Variants in MYRFL observed in about 807,000 individuals in gnomAD.
MYRFL encodes myelin regulatory factor like, also known as myelin regulatory factor-like protein.
Under a neutral mutation model 109.4 loss-of-function variants are expected in MYRFL, and 88 were observed. That is an observed-to-expected ratio of 0.80 (90% CI 0.68 to 0.96). MYRFL has a LOEUF of 0.96. Ranked by LOEUF, MYRFL falls within the 40% of genes least tolerant of loss-of-function variation. The probability of loss-of-function intolerance (pLI) is 0.00; values close to 1 mark genes in which losing one functional copy is unlikely to be tolerated. For missense variants in MYRFL, 957 were observed against 954.9 expected (o/e 1.00, Z -0.03); for synonymous variants, 324 against 320.9 (o/e 1.01, Z -0.10).
In MYRFL at chr12:69,958,518, G is replaced by A. The variant is rs931864355; in HGVS notation, c.2720G>A (p.Arg907Gln). The change falls in exon 25 of 25, where the codon CGA becomes CAA. Residue 907 changes from arginine (R) to glutamine (Q), a missense_variant. Transcript: ENST00000552032. ...FFTDYFFYFYRRCA is the reference protein window; with the variant it reads ...FFTDYFFYFYQRCA ...ACCGATTACTTCTTTTACTTCTATC[G>A]ACGCTGTGCCTAATTTGTTCAAGTT... 4 of 1,533,490 alleles carry A rather than the reference G, an allele frequency of 2.6e-6. No homozygotes were observed. The highest frequency in any genetic ancestry group is 2.4e-5 in the East Asian group (1 of 40,820). 95.0% of individuals were successfully genotyped at this position (1,533,490 alleles called of 1,614,324 possible). A position where few individuals can be genotyped will look rare whatever the true frequency, so the allele number is the denominator to read the frequency against.
chr12:69,957,961 T>C lies in MYRFL; in HGVS notation c.2571+19T>C, dbSNP rs1273399642. Reference sequence around the variant, plus strand: ...GACACAGGTAATGTTTTCTGCCTCCTCTCTTCCCCGCTGAGAGAGGGATAC... The same window carrying C: ...GACACAGGTAATGTTTTCTGCCTCCCCTCTTCCCCGCTGAGAGAGGGATAC... On this transcript the variant is annotated intron_variant, in intron 23 of 24. Transcript: ENST00000552032. The C allele has an allele frequency of 3.3e-6, 5 of 1,525,232 alleles. No homozygotes were observed. Among genetic ancestry groups the C allele is most frequent in the African/African-American group, 1.4e-5 (1 of 72,922 alleles). 94.5% of individuals were successfully genotyped at this position (1,525,232 alleles called of 1,614,324 possible).
At chr12:69,927,962 C>T (rs544504083) in intron 15 of MYRFL, among the ~76,000 whole-genome samples, 1 of 152,274 alleles carries the variant, frequency 6.6e-6, no homozygotes, top group South Asian at 2.1e-4. Context: ...ATATGTCAGT[C>T]TCAGAATTAT....
At chr12:69,853,312 C>G (rs896769660) in intron 1 of MYRFL, among the ~76,000 whole-genome samples, 4 of 152,066 alleles carry the variant, frequency 2.6e-5, no homozygotes, top group Admixed American at 1.3e-4. Flanking sequence ...CTCCTCACTT[C>G]CCGGACGGGG....
chr12:69,911,195 T>C (rs989984152), intron 13 of MYRFL, among the ~76,000 whole-genome samples: 6 of 152,216 alleles, frequency 3.9e-5, no homozygotes, highest in Admixed American at 6.5e-5. Flanking sequence ...TAACTGGCAC[T>C]AGGAAAGTCC....
intron 1 of MYRFL, among the ~76,000 whole-genome samples, chr12:69,845,788 A>C (rs1299118152): frequency 1.6e-5 from 2 of 123,558 alleles, no homozygotes; most frequent in South Asian, 6.1e-4. Flanking sequence ...CTGTTGGGAA[A>C]AGCGAAAAAA....
At chr12:69,892,705 TCAAA>T (rs1886987988) in intron 7 of MYRFL, among the ~76,000 whole-genome samples, 1 of 152,116 alleles carries the variant, frequency 6.6e-6, no homozygotes, top group Non-Finnish European at 1.5e-5. Flanking sequence ...CATATAAACA[TCAAA>T]CAAACAAGCA....
chr12:69,829,679 G>T (rs532933772), intron 1 of MYRFL, among the ~76,000 whole-genome samples: 6 of 152,238 alleles, frequency 3.9e-5, no homozygotes, highest in Middle Eastern at 6.8e-3. Flanking sequence ...GGGAAAACTT[G>T]CCCAGTAGCA....
At chr12:69,906,769 C>G (rs2120374336) in intron 11 of MYRFL, among the ~76,000 whole-genome samples, 1 of 152,286 alleles carries the variant, frequency 6.6e-6, no homozygotes, top group Non-Finnish European at 1.5e-5. Flanking sequence ...TGCTCCTAGT[C>G]CAGACTGTGG....
intron 2 of MYRFL, among the ~76,000 whole-genome samples, chr12:69,861,263 A>G (rs1167663584): frequency 1.3e-5 from 2 of 152,066 alleles, no homozygotes; most frequent in African/African-American, 2.4e-5. Flanking sequence ...GTATATACCC[A>G]GTAATGGGAT....
rs71098067 is a variant in MYRFL, at chr12:69,936,078, G to GTTT, written c.1917-8_1917-6dup. ...TCTGGAAACAAATCTGCCACATAAT[G>GTTT]TTTTTTTTTTTTTTTTTTTTTTTTT... is the stretch of plus-strand genomic sequence containing the variant. On this transcript the variant is annotated intron_variant, in intron 16 of 24. Transcript: ENST00000552032. 921 of 893,888 alleles carry GTTT rather than the reference G, an allele frequency of 1.0e-3. 73 individuals carry two copies. Among genetic ancestry groups the GTTT allele is most frequent in the East Asian group, 3.9e-3 (65 of 16,618 alleles). 55.4% of individuals were successfully genotyped at this position (893,888 alleles called of 1,614,324 possible).
At chr12:69,934,001 G>C (rs1210797774) in intron 16 of MYRFL, among the ~76,000 whole-genome samples, 1 of 152,166 alleles carries the variant, frequency 6.6e-6, no homozygotes, top group Admixed American at 6.5e-5. Context: ...CCCGAAGAAT[G>C]GAACAGATGT....
At chr12:69,866,788 C>CAAAT (rs1311500846) in intron 2 of MYRFL, among the ~76,000 whole-genome samples, 1 of 152,106 alleles carries the variant, frequency 6.6e-6, no homozygotes, top group African/African-American at 2.4e-5. Flanking sequence ...GAAAAAGGAC[C>CAAAT]AAATGCTCTA....
intron 1 of MYRFL, among the ~76,000 whole-genome samples, chr12:69,854,714 A>G (rs908644123): frequency 2.0e-5 from 3 of 152,074 alleles, no homozygotes; most frequent in Non-Finnish European, 2.9e-5. Flanking sequence ...TAATTTTTAT[A>G]TATTTAGGAG....
At chr12:69,952,753 C>T (rs891415478) in intron 20 of MYRFL, 46 bp from the exon 21 acceptor site, 102 of 1,331,432 alleles carry the variant, frequency 7.7e-5, no homozygotes, top group Non-Finnish European at 1.0e-4. Context: ...TATTCTTTTT[C>T]CTTTCAGAAG....
chr12:69,842,575 A>G lies in MYRFL; in HGVS notation c.47-12705A>G, dbSNP rs118190591. On this transcript the variant is annotated intron_variant, in intron 1 of 24. Transcript: ENST00000552032. ...TATGGTGATTGAAATAAAAGCACAT[A>G]CAGCTGGCAGTGGGGTCCGGGAATG... is the stretch of plus-strand genomic sequence containing the variant. 5.4e-3 allele frequency among the ~76,000 whole-genome samples: 824 copies of G among 152,332 alleles called. 3 individuals carry two copies. Among genetic ancestry groups the G allele is most frequent in the Non-Finnish European group, 8.3e-3 (562 of 68,016 alleles).
intron 19 of MYRFL, among the ~76,000 whole-genome samples, chr12:69,947,250 T>C (rs1955862061): frequency 6.6e-6 from 1 of 152,200 alleles, no homozygotes; most frequent in African/African-American, 2.4e-5. Flanking sequence ...GAGTAATATC[T>C]AACAGTTTAC....
At chr12:69,830,027 C>T (rs1882529609) in intron 1 of MYRFL, among the ~76,000 whole-genome samples, 1 of 152,100 alleles carries the variant, frequency 6.6e-6, no homozygotes, top group Non-Finnish European at 1.5e-5. Context: ...ATGCCCTCTT[C>T]CTTCTGTCCT....
intron 19 of MYRFL, among the ~76,000 whole-genome samples, chr12:69,940,071 T>C (rs532398347): frequency 0.034 from 5,080 of 151,088 alleles, 287 homozygotes; most frequent in African/African-American, 0.12. Flanking sequence ...CAAATCTACG[T>C]CTGACTGGTG....
intron 15 of MYRFL, among the ~76,000 whole-genome samples, chr12:69,931,951 T>C (rs1354159928): frequency 6.6e-6 from 1 of 152,214 alleles, no homozygotes; most frequent in Non-Finnish European, 1.5e-5. Context: ...TGAATGAATA[T>C]GAGAACAAAT....
Sources: allele counts gnomAD v4.1 joint callset (sites outside exome capture counted in the v4.1 genomes callset), GRCh38; gene constraint gnomAD v4.1.1; transcripts MANE v1.5; gene names NCBI Gene and HGNC (gene_info 2026-07-23, HGNC 2026-07-21).